The following NAA11 variants were observed in gnomAD, a reference collection of about 807,000 sequenced individuals.
The protein encoded by NAA11 is N-alpha-acetyltransferase 11.
In NAA11, 15 loss-of-function variants were observed where a neutral mutation model predicts 16.1. That is an observed-to-expected ratio of 0.93 (90% CI 0.62 to 1.44). The LOEUF (loss-of-function observed/expected upper bound fraction) is 1.44, where lower values mean the gene tolerates loss of function less well. Ranked by LOEUF, NAA11 falls within the 40% of genes most tolerant of loss-of-function variation. NAA11 has a pLI of 0.00. For synonymous variants in NAA11, 122 were observed against 112.4 expected, an observed-to-expected ratio of 1.09 and a Z score of -0.54; for missense variants, 298 against 291.3, an observed-to-expected ratio of 1.02 and a Z score of -0.17.
At chr4:79,290,489 A>C (rs1723054664) in intron 2 of NAA11, among the ~76,000 whole-genome samples, 1 of 152,012 alleles carries the variant, frequency 6.6e-6, no homozygotes, top group Admixed American at 6.6e-5. Context: ...TAAAGAGAGG[A>C]TACATCTCTC....
the NAA11 span, among the ~76,000 whole-genome samples, chr4:79,189,145 C>CAAAAAAAAAAAAAAAAAAAAAAA: frequency 2.2e-3 from 93 of 42,226 alleles, 18 homozygotes; most frequent in East Asian, 5.8e-3. Context: ...GACTCCATCT[C>CAAAAAAAAAAAAAAAAAAAAAAA]AAAAAAAAAA....
At chr4:79,226,181 C>G (rs147343977) in exon 3 of NAA11, 1 of 152,124 alleles carries the variant, frequency 6.6e-6, no homozygotes, top group African/African-American at 2.4e-5. Flanking sequence ...CAGCTCTGCT[C>G]CATGAGATCA....
the NAA11 span, among the ~76,000 whole-genome samples, chr4:79,190,104 A>G: frequency 6.6e-6 from 1 of 152,240 alleles, no homozygotes; most frequent in East Asian, 1.9e-4. Context: ...TGTGTAAAGC[A>G]CTTCAAACAT....
rs769225482 is a variant in NAA11 at position 79,325,336 on chromosome 4, T to G, written c.542A>C (p.Gln181Pro). 22 of 1,613,886 alleles carry G rather than the reference T, an allele frequency of 1.4e-5. No individual in the cohort carries two copies. Among genetic ancestry groups the G allele is most frequent in the Middle Eastern group, 1.6e-4 (1 of 6,084 alleles). Residue 181 changes from glutamine to proline, a missense_variant, in exon 1 of 2, where the codon CAG (glutamine) becomes CCG (proline). Physicochemically the swap from Gln to Pro is moderately conservative, Grantham distance 76 (BLOSUM62 -1). Coordinates refer to ENST00000286794, the MANE Select transcript of NAA11 (RefSeq NM_032693.3). ...VLGSRENQET[Q>P]GSTLSDSEEA... ...TTCAGAATCAGAAAGTGTGCTGCCCTGGGTCTCCTGGTTCTCCCTGGAGCC... is the reference window on the plus strand; with the variant it reads ...TTCAGAATCAGAAAGTGTGCTGCCCGGGGTCTCCTGGTTCTCCCTGGAGCC...
chr4:79,178,174 GTC>G, the NAA11 span, among the ~76,000 whole-genome samples: 2 of 152,108 alleles, frequency 1.3e-5, no homozygotes, highest in Non-Finnish European at 2.9e-5. Context: ...TAGAGACAAA[GTC>G]TGTTTTATTT....
chr4:79,184,043 A>G, the NAA11 span, among the ~76,000 whole-genome samples: 5 of 152,228 alleles, frequency 3.3e-5, no homozygotes, highest in Non-Finnish European at 7.3e-5. Flanking sequence ...TAAGAGCCAC[A>G]TAACACAGAG....
chr4:79,302,530 T>C (rs1723422594), intron 1 of NAA11, among the ~76,000 whole-genome samples: 1 of 152,156 alleles, frequency 6.6e-6, no homozygotes, highest in Non-Finnish European at 1.5e-5. Context: ...CAAAGTCTCA[T>C]TTTTTTGTGT....
In NAA11 at chr4:79,231,521, G is replaced by A. The variant is rs75413204; in HGVS notation, c.*123-5251C>T. ...CAGGGACACAGCCTTTTCCAAAAAGGTATTGGTCCTTTTTGAAACTGTGCC... is the reference window on the plus strand; with the variant it reads ...CAGGGACACAGCCTTTTCCAAAAAGATATTGGTCCTTTTTGAAACTGTGCC... On this transcript the variant is annotated intron_variant and NMD_transcript_variant, in intron 2 of 2. Coordinates refer to the NAA11 transcript ENST00000511542. 4.1e-3 allele frequency among the ~76,000 whole-genome samples: 622 copies of A among 151,998 alleles called. 6 individuals carry two copies. Among genetic ancestry groups the A allele is most frequent in the African/African-American group, 0.014 (589 of 41,496 alleles).
chr4:79,177,657 T>C, the NAA11 span, among the ~76,000 whole-genome samples: 8 of 152,072 alleles, frequency 5.3e-5, no homozygotes, highest in Non-Finnish European at 8.8e-5. Flanking sequence ...TCCCATGAGA[T>C]TTTTACATTT....
chr4:79,309,355 C>T (rs1723691799), intron 1 of NAA11, among the ~76,000 whole-genome samples: 2 of 152,144 alleles, frequency 1.3e-5, no homozygotes, highest in South Asian at 4.1e-4. Context: ...TCACATTGTA[C>T]TGTGGTATTT....
At chr4:79,162,385 A>G in the NAA11 span, among the ~76,000 whole-genome samples, 3 of 152,206 alleles carry the variant, frequency 2.0e-5, no homozygotes, top group Non-Finnish European at 4.4e-5. Context: ...GTCAGTGCTT[A>G]AAATTGGGAT....
intron 2 of NAA11, among the ~76,000 whole-genome samples, chr4:79,273,873 C>T (rs908576906): frequency 6.6e-6 from 1 of 152,008 alleles, no homozygotes; most frequent in Non-Finnish European, 1.5e-5. Flanking sequence ...GTCAGCTGCC[C>T]TTGGCTGCAA....
At chr4:79,242,386 T>G (rs1721718954) in intron 2 of NAA11, among the ~76,000 whole-genome samples, 1 of 152,238 alleles carries the variant, frequency 6.6e-6, no homozygotes, top group Non-Finnish European at 1.5e-5. Flanking sequence ...TCAACTCACT[T>G]GTACTATGGA....
chr4:79,255,362 G>C (rs1221990890), intron 2 of NAA11, among the ~76,000 whole-genome samples: 2 of 151,752 alleles, frequency 1.3e-5, no homozygotes, highest in Non-Finnish European at 2.9e-5. Flanking sequence ...TCAATATTCT[G>C]TATTACTATC....
intron 2 of NAA11, among the ~76,000 whole-genome samples, chr4:79,232,248 T>C (rs2109956214): frequency 6.6e-6 from 1 of 152,056 alleles, no homozygotes; most frequent in South Asian, 2.1e-4. Context: ...TTGTGTATGT[T>C]TGAAAATTTC....
chr4:79,189,836 A>C, the NAA11 span, among the ~76,000 whole-genome samples: 1 of 152,192 alleles, frequency 6.6e-6, no homozygotes. Flanking sequence ...AAGACATAGA[A>C]AAGAGAAGAA....
At chr4:79,324,628 ATAGG>A (rs1263063967) in intron 1 of NAA11, among the ~76,000 whole-genome samples, 1 of 152,184 alleles carries the variant, frequency 6.6e-6, no homozygotes, top group African/African-American at 2.4e-5. Context: ...AGAATATTTC[ATAGG>A]TAGTACTGTG....
intron 2 of NAA11, among the ~76,000 whole-genome samples, chr4:79,265,583 A>G (rs973869189): frequency 1.3e-5 from 2 of 152,086 alleles, no homozygotes; most frequent in African/African-American, 4.8e-5. Context: ...TCCTGCCTCA[A>G]GGCCTTTGCA....
At chr4:79,183,655 C>CTT in the NAA11 span, among the ~76,000 whole-genome samples, 12 of 148,670 alleles carry the variant, frequency 8.1e-5, no homozygotes, top group African/African-American at 2.5e-4. Flanking sequence ...TATTGTCTAC[C>CTT]TTTTTTTTTT....
Sources: allele counts gnomAD v4.1 joint callset (sites outside exome capture counted in the v4.1 genomes callset), GRCh38; gene constraint gnomAD v4.1.1; transcripts MANE v1.5; gene names NCBI Gene and HGNC (gene_info 2026-07-23, HGNC 2026-07-21).